Variants in KCNMB2 observed in about 807,000 individuals in gnomAD.
KCNMB2 encodes the protein potassium calcium-activated channel subfamily M regulatory beta subunit 2, also known as calcium-activated potassium channel subunit beta-2.
Under a neutral mutation model 24.5 loss-of-function variants are expected in KCNMB2, and 9 were observed. The observed-to-expected ratio is 0.37, with a 90% CI of 0.22 to 0.64. The LOEUF is 0.64. Ranked by LOEUF, KCNMB2 falls within the 30% of genes least tolerant of loss-of-function variation. The pLI, the probability that KCNMB2 is intolerant of heterozygous loss-of-function variation, is 0.63. For synonymous variants in KCNMB2, 109 were observed against 104.4 expected (o/e 1.04, Z -0.27); for missense variants, 226 against 284.3 (o/e 0.79, Z 1.47).
intron 1 of KCNMB2, among the ~76,000 whole-genome samples, chr3:178,724,885 A>C (rs1320488789): frequency 6.6e-6 from 1 of 152,138 alleles, no homozygotes; most frequent in Non-Finnish European, 1.5e-5. Flanking sequence ...TACCAGCACA[A>C]TGCTGTTTTG....
chr3:178,751,452 C>T (rs1723843374), intron 1 of KCNMB2, among the ~76,000 whole-genome samples: 1 of 151,604 alleles, frequency 6.6e-6, no homozygotes, highest in Non-Finnish European at 1.5e-5. Flanking sequence ...TTGTAGCAGG[C>T]ACCTGTAATC....
At chr3:178,811,459 T>C (rs920417736) in intron 2 of KCNMB2, among the ~76,000 whole-genome samples, 3 of 152,170 alleles carry the variant, frequency 2.0e-5, no homozygotes, top group African/African-American at 7.2e-5. Flanking sequence ...TTCATGTAAA[T>C]GGAATCATGC....
chr3:178,761,133 C>T lies in KCNMB2; in HGVS notation c.-67-46210C>T, dbSNP rs1371757346. 3.9e-5 allele frequency among the ~76,000 whole-genome samples: 6 copies of T among 152,046 alleles called. No individual in the cohort carries two copies. In the South Asian group the frequency reaches 6.2e-4, roughly 16 times the overall value. ...AGTTTCTCCGAGTCTGCACTAACTCCGAGTCTGAATGAACTTTAACTTCAT... is the reference window on the plus strand; with the variant it reads ...AGTTTCTCCGAGTCTGCACTAACTCTGAGTCTGAATGAACTTTAACTTCAT... On this transcript the variant is annotated intron_variant, in intron 1 of 4. Transcript: ENST00000452583.
intron 1 of KCNMB2, among the ~76,000 whole-genome samples, chr3:178,752,289 A>G (rs2108390526): frequency 6.6e-6 from 1 of 152,378 alleles, no homozygotes; most frequent in East Asian, 1.9e-4. Flanking sequence ...TCAGAAAATG[A>G]CATTGAGCTG....
At chr3:178,832,009 A>G (rs1255245793) in intron 4 of KCNMB2, among the ~76,000 whole-genome samples, 2 of 152,172 alleles carry the variant, frequency 1.3e-5, no homozygotes, top group African/African-American at 2.4e-5. Flanking sequence ...CTTGAAGCTC[A>G]TGTAGACATT....
intron 1 of KCNMB2, among the ~76,000 whole-genome samples, chr3:178,553,864 T>C (rs996817548): frequency 1.1e-4 from 16 of 152,108 alleles, no homozygotes; most frequent in Non-Finnish European, 7.3e-5. Flanking sequence ...ACTGGAGGAT[T>C]GTTCATATCG....
At chr3:178,568,816 TAATAGATAGATAGATGATAGATA>T (rs202053601) in intron 1 of KCNMB2, among the ~76,000 whole-genome samples, 2 of 49,054 alleles carry the variant, frequency 4.1e-5, no homozygotes, top group East Asian at 4.3e-4. Context: ...GATAGATAGA[TAATAGATAGATAGATGATAGATA>T]GATAGATAGA....
At chr3:178,789,895 G>A (rs1053553487) in intron 1 of KCNMB2, among the ~76,000 whole-genome samples, 36 of 152,072 alleles carry the variant, frequency 2.4e-4, no homozygotes, top group Middle Eastern at 3.4e-3. Flanking sequence ...TGGACTTGGT[G>A]GGTGCACAAC....
chr3:178,645,629 C>T (rs931601217), intron 1 of KCNMB2, among the ~76,000 whole-genome samples: 7 of 152,122 alleles, frequency 4.6e-5, no homozygotes, highest in Admixed American at 2.6e-4. Flanking sequence ...GGTATCTATT[C>T]ATTCACTGGT....
intron 1 of KCNMB2, among the ~76,000 whole-genome samples, chr3:178,587,130 A>G (rs1717471753): frequency 6.6e-6 from 1 of 151,990 alleles, no homozygotes; most frequent in South Asian, 2.1e-4. Flanking sequence ...TTTGAACTCT[A>G]TTCTGCTCTC....
intron 1 of KCNMB2, among the ~76,000 whole-genome samples, chr3:178,741,613 G>C (rs2108377993): frequency 6.6e-6 from 1 of 152,236 alleles, no homozygotes; most frequent in East Asian, 1.9e-4. Flanking sequence ...GGGTTAAAAG[G>C]GGAGGACATT....
chr3:178,731,111 G>GA (rs202170522), intron 1 of KCNMB2, among the ~76,000 whole-genome samples: 10 of 150,290 alleles, frequency 6.7e-5, no homozygotes, highest in African/African-American at 1.2e-4. Flanking sequence ...GGAAAAGAAA[G>GA]AAAAAAAAAT....
chr3:178,753,177 G>A lies in KCNMB2; in HGVS notation c.-67-54166G>A, dbSNP rs926544516. Among the ~76,000 whole-genome samples, 11 of 152,328 alleles carry A rather than the reference G, an allele frequency of 7.2e-5. No homozygotes were observed. The East Asian group carries it at 2.1e-3, about 29-fold the overall frequency. Reference sequence around the variant, plus strand: ...TGTCAATGGCAGTCATGTAGTGATAGTTATGTCTGTAGTAACCGTAGTAAT... The same window carrying A: ...TGTCAATGGCAGTCATGTAGTGATAATTATGTCTGTAGTAACCGTAGTAAT... On this transcript the variant is annotated intron_variant, in intron 1 of 4. Coordinates refer to ENST00000452583, the MANE Select transcript of KCNMB2 (RefSeq NM_181361.3).
chr3:178,569,413 G>A (rs111324857), intron 1 of KCNMB2, among the ~76,000 whole-genome samples: 33 of 152,100 alleles, frequency 2.2e-4, no homozygotes, highest in Admixed American at 6.6e-5. Context: ...TTGATTCATA[G>A]CCTCATCCAA....
intron 1 of KCNMB2, among the ~76,000 whole-genome samples, chr3:178,568,691 G>A (rs1308657717): frequency 6.7e-6 from 1 of 149,902 alleles, no homozygotes; most frequent in Non-Finnish European, 1.5e-5. Context: ...AATACTTATT[G>A]AACTAATAAA....
chr3:178,712,425 A>G (rs1397546976), intron 1 of KCNMB2, among the ~76,000 whole-genome samples: 1 of 152,230 alleles, frequency 6.6e-6, no homozygotes, highest in South Asian at 2.1e-4. Context: ...ACAAATATTT[A>G]TTGAATGTTT....
At chr3:178,608,347 C>A (rs991088902) in intron 1 of KCNMB2, among the ~76,000 whole-genome samples, 2 of 152,006 alleles carry the variant, frequency 1.3e-5, no homozygotes, top group Non-Finnish European at 2.9e-5. Flanking sequence ...TTAAAACTGT[C>A]CTAAAATATA....
rs113606681 is a variant in KCNMB2, at chr3:178,600,982, G to A, written c.-68+64271G>A. 3.3e-3 allele frequency among the ~76,000 whole-genome samples: 505 copies of A among 152,152 alleles called. 1 individual carries two copies. The highest frequency in any genetic ancestry group is 0.011 in the African/African-American group (473 of 41,500). ...ATGATAGACTAGATAAAGAAAATGT[G>A]GAACATATACACCACGGAATACTAT... is the stretch of plus-strand genomic sequence containing the variant. On this transcript the variant is annotated intron_variant, in intron 1 of 4. Coordinates refer to ENST00000452583, the MANE Select transcript of KCNMB2 (RefSeq NM_181361.3).
chr3:178,571,480 ATATATAC>A, intron 1 of KCNMB2, among the ~76,000 whole-genome samples: 1 of 104,540 alleles, frequency 9.6e-6, no homozygotes, highest in Non-Finnish European at 1.9e-5. Context: ...ATATATATAT[ATATATAC>A]TTTTTTCTGT....
Sources: gnomAD v4.1 joint callset for allele counts (sites outside exome capture counted in the v4.1 genomes callset) on GRCh38, gnomAD v4.1.1 for gene constraint, MANE v1.5 for transcripts, NCBI Gene and HGNC (gene_info 2026-07-23, HGNC 2026-07-21) for gene names.